Variants in APC observed in about 807,000 individuals in gnomAD.
APC encodes APC regulator of Wnt signaling pathway.
APC carries 72 observed loss-of-function variants against 247.0 expected under a neutral mutation model. The observed-to-expected ratio is 0.29, with a 90% CI of 0.24 to 0.35. The LOEUF (loss-of-function observed/expected upper bound fraction) is 0.35. APC is among the 10% of genes least tolerant of loss of function. APC has a pLI of 1.00. For synonymous variants in APC, 1,254 were observed against 1,162.5 expected, an observed-to-expected ratio of 1.08 and a Z score of -1.60; for missense variants, 3,400 against 3,360.7, an observed-to-expected ratio of 1.01 and a Z score of -0.29.
chr5:112,741,417 ATAGG>A (rs1753002047), intron 1 of APC, among the ~76,000 whole-genome samples: 1 of 152,178 alleles, frequency 6.6e-6, no homozygotes, highest in Non-Finnish European at 1.5e-5. Context: ...CATTAGGTGA[ATAGG>A]TATGTTCTCA....
intron 14 of APC, among the ~76,000 whole-genome samples, chr5:112,831,927 C>T (rs563285016): frequency 8.1e-4 from 124 of 152,300 alleles, no homozygotes; most frequent in African/African-American, 2.8e-3. Flanking sequence ...TACAATTTGA[C>T]AGTTGACTTT....
rs1389942947 is a variant in APC at position 112,839,913 on chromosome 5, C to A, written c.4319C>A (p.Pro1440Gln). 2 of 1,613,946 alleles carry A rather than the reference C, an allele frequency of 1.2e-6. No homozygotes were observed. The highest frequency in any genetic ancestry group is 2.7e-5 in the African/African-American group (2 of 74,876). ...TMPPSRSKTP[P>Q]PPPQTAQTKR... ...CCACCAAGCAGAAGTAAAACACCTC[C>A]ACCACCTCCTCAAACAGCTCAAACC... Residue 1440 changes from proline to glutamine, a missense_variant, in exon 16 of 16, where the codon CCA (proline) becomes CAA (glutamine). Around this residue, in one of 9 missense-constraint regions of APC, gnomAD observed 1,788 missense variants for 1,649.5 expected, o/e 1.08. Coordinates refer to ENST00000257430, the MANE Select transcript of APC (RefSeq NM_000038.6). This position sits in a 1 kb window ranked among gnomAD's most constrained non-coding sequence, Gnocchi z 5.0.
chr5:112,747,129 A>G (rs949730803), intron 1 of APC, among the ~76,000 whole-genome samples: 3 of 152,202 alleles, frequency 2.0e-5, no homozygotes, highest in Non-Finnish European at 4.4e-5. Flanking sequence ...ACACCTGGCC[A>G]TTAGCAGTAT....
chr5:112,844,638 G>C lies in APC; in HGVS notation c.*512G>C. On this transcript the variant is annotated 3_prime_UTR_variant, in exon 16 of 16. Transcript: ENST00000257430. ...CCCGATGAACAAGTTTACCCAGCCT[G>C]CTTTGCTTTACTGCATGAATGAAAC... is the stretch of plus-strand genomic sequence containing the variant. The C allele has an allele frequency of 4.3e-6, 1 of 233,874 alleles. No homozygotes were observed. The highest frequency in any genetic ancestry group is 8.4e-6 in the Non-Finnish European group (1 of 118,482). 14.5% of individuals were successfully genotyped at this position (233,874 alleles called of 1,614,324 possible).
At chr5:112,821,030 ATT>A (rs1268327067) in intron 10 of APC, among the ~76,000 whole-genome samples, 62 of 132,308 alleles carry the variant, frequency 4.7e-4, no homozygotes, top group Admixed American at 4.6e-4. Context: ...CAACTGACTA[ATT>A]TTTTTTTTTT....
intron 1 of APC, among the ~76,000 whole-genome samples, chr5:112,712,257 G>T (rs201246024): frequency 6.6e-6 from 1 of 151,868 alleles, no homozygotes; most frequent in Non-Finnish European, 1.5e-5. Flanking sequence ...TCTTGGTTCT[G>T]TAACTCCCTA....
At chr5:112,769,596 C>G (rs1243960429) in intron 4 of APC, among the ~76,000 whole-genome samples, 1 of 151,992 alleles carries the variant, frequency 6.6e-6, no homozygotes, top group Non-Finnish European at 1.5e-5. Context: ...TCTAAAAGTT[C>G]TATTAGACAT....
intron 7 of APC, among the ~76,000 whole-genome samples, chr5:112,800,369 C>G (rs1193243378): frequency 6.6e-6 from 1 of 152,094 alleles, no homozygotes; most frequent in Non-Finnish European, 1.5e-5. Flanking sequence ...CTGAGTGCTA[C>G]CTCACTTTTG....
In APC at chr5:112,828,962, A is replaced by G. The variant is rs1580575109; in HGVS notation, c.1733A>G (p.Glu578Gly). ...SVKALMECAL[E>G]VKKESTLKSV... The stretch of plus-strand genomic sequence containing the variant: ...AAAGCATTGATGGAATGTGCTTTAG[A>G]AGTTAAAAAGGTACCTTTGAAAACA... Residue 578 changes from glutamate to glycine, a missense_variant, in exon 14 of 16, where the codon GAA becomes GGA. By Grantham distance (98) the Glu-to-Gly change is moderately conservative (BLOSUM62 -2). Transcript: ENST00000257430. 1 of 1,610,442 alleles carries G rather than the reference A, an allele frequency of 6.2e-7. No individual in the cohort carries two copies. The highest frequency in any genetic ancestry group is 8.5e-7 in the Non-Finnish European group (1 of 1,176,730).
chr5:112,751,619 T>C (rs1417759420), intron 1 of APC, among the ~76,000 whole-genome samples: 1 of 151,992 alleles, frequency 6.6e-6, no homozygotes, highest in African/African-American at 2.4e-5. Flanking sequence ...CTGGTTTCTC[T>C]CCCCTATAAA....
chr5:112,812,871 C>T (rs1762126943), intron 8 of APC, among the ~76,000 whole-genome samples: 1 of 152,180 alleles, frequency 6.6e-6, no homozygotes, highest in African/African-American at 2.4e-5. Context: ...ATTCCAGAAG[C>T]AGTCAATAGC....
At chr5:112,747,511 CA>C (rs1211275081) in intron 1 of APC, among the ~76,000 whole-genome samples, 1 of 152,160 alleles carries the variant, frequency 6.6e-6, no homozygotes, top group African/African-American at 2.4e-5. Flanking sequence ...ATGCCATACA[CA>C]GCAATAAAAA....
intron 1 of APC, among the ~76,000 whole-genome samples, chr5:112,717,902 C>CTTTTCTTTTTTT (rs1751261259): frequency 4.5e-5 from 1 of 22,294 alleles, no homozygotes; most frequent in East Asian, 1.3e-3. Flanking sequence ...TTTTCTTTTT[C>CTTTTCTTTTTTT]TTTTTCTTTT....
intron 1 of APC, among the ~76,000 whole-genome samples, chr5:112,740,276 A>T (rs534704519): frequency 6.6e-6 from 1 of 152,302 alleles, no homozygotes; most frequent in South Asian, 2.1e-4. Flanking sequence ...AACACATTTA[A>T]GTAGAACAGT....
At chr5:112,740,524 C>CTTTTTTTTTTTTTTTTTTTTT (rs11286305) in intron 1 of APC, among the ~76,000 whole-genome samples, 1 of 99,136 alleles carries the variant, frequency 1.0e-5, no homozygotes, top group East Asian at 3.2e-4. Context: ...GTTTTTTTTT[C>CTTTTTTTTTTTTTTTTTTTTT]TTTTTTTTTT....
rs370025531 is a variant in APC, at chr5:112,721,891, GA to G, written c.165+14018del. Among the ~76,000 whole-genome samples, 510 of 151,292 alleles carry G rather than the reference GA, an allele frequency of 3.4e-3. 4 individuals are homozygous for G. The highest frequency in any genetic ancestry group is 0.012 in the African/African-American group (486 of 41,254). ...TGATGAGCTTGAAAAAAAATTGCAG[GA>G]AAAAAAAATCTCCTAATGTTTTAAG... On this transcript the variant is annotated intron_variant, in intron 1 of 13. Transcript: ENST00000507379.
chr5:112,712,887 C>T (rs997415718), intron 1 of APC, among the ~76,000 whole-genome samples: 1 of 152,224 alleles, frequency 6.6e-6, no homozygotes, highest in Middle Eastern at 3.4e-3. Context: ...AACAGTATCT[C>T]GGGCTAGGCG....
At chr5:112,725,223 T>C (rs1751706528) in intron 1 of APC, among the ~76,000 whole-genome samples, 1 of 152,120 alleles carries the variant, frequency 6.6e-6, no homozygotes, top group African/African-American at 2.4e-5. Flanking sequence ...TCCACCTGCC[T>C]TGGTCCCCAA....
chr5:112,741,533 A>G (rs1554064657), intron 1 of APC, among the ~76,000 whole-genome samples: 1 of 152,142 alleles, frequency 6.6e-6, no homozygotes, highest in Non-Finnish European at 1.5e-5. Flanking sequence ...TGTGTGTTTA[A>G]TATGCATAAA....
Sources: allele counts gnomAD v4.1 joint callset (sites outside exome capture counted in the v4.1 genomes callset), GRCh38; gene constraint gnomAD v4.1.1; regional missense constraint gnomAD v4.1.1; non-coding constraint Gnocchi (gnomAD v3.1); transcripts MANE v1.5; gene names NCBI Gene and HGNC (gene_info 2026-07-23, HGNC 2026-07-21).